Variants in PARD3B observed in about 807,000 individuals in gnomAD.
PARD3B encodes the protein par-3 family cell polarity regulator beta.
Under a neutral mutation model 130.2 loss-of-function variants are expected in PARD3B, and 103 were observed. The observed-to-expected ratio is 0.79, with a 90% CI of 0.67 to 0.93. The LOEUF (loss-of-function observed/expected upper bound fraction) is 0.93, where lower values mean the gene tolerates loss of function less well. PARD3B is among the 40% of genes least tolerant of loss of function. The probability of loss-of-function intolerance (pLI) is 0.00; values close to 1 mark genes in which losing one functional copy is unlikely to be tolerated. For synonymous variants in PARD3B, 583 were observed against 553.2 expected, an observed-to-expected ratio of 1.05 and a Z score of -0.76; for missense variants, 1,609 against 1,499.2, an observed-to-expected ratio of 1.07 and a Z score of -1.21.
chr2:205,420,115 A>G (rs1038681886), intron 19 of PARD3B, among the ~76,000 whole-genome samples: 27 of 152,208 alleles, frequency 1.8e-4, no homozygotes, highest in African/African-American at 6.0e-4. Flanking sequence ...GATTAAAAGT[A>G]TCTACTCTCT....
chr2:205,301,777 A>C lies in PARD3B; in HGVS notation c.2630+76A>C, dbSNP rs1264966159. On this transcript the variant is annotated intron_variant, in intron 18 of 22. Coordinates refer to ENST00000406610, the MANE Select transcript of PARD3B (RefSeq NM_001302769.2). This position sits in a 1 kb window ranked among gnomAD's most constrained non-coding sequence, Gnocchi z 5.2. ...TAAAATCACTCCTTTGTCTGTACTCAGAAAAAAGCGCACGCTTTTCCTCGT... is the reference window on the plus strand; with the variant it reads ...TAAAATCACTCCTTTGTCTGTACTCCGAAAAAAGCGCACGCTTTTCCTCGT... 1 of 1,611,900 alleles carries C rather than the reference A, an allele frequency of 6.2e-7. No individual in the cohort carries two copies. Among genetic ancestry groups the C allele is most frequent in the Non-Finnish European group, 8.5e-7 (1 of 1,178,078 alleles).
chr2:205,552,876 T>C (rs987877148), intron 21 of PARD3B, among the ~76,000 whole-genome samples: 4 of 152,168 alleles, frequency 2.6e-5, no homozygotes, highest in African/African-American at 9.7e-5. Flanking sequence ...TGTATCAATA[T>C]GGATTAATTG....
intron 18 of PARD3B, among the ~76,000 whole-genome samples, chr2:205,307,454 CTGT>C (rs1253276659): frequency 2.0e-5 from 3 of 152,132 alleles, no homozygotes; most frequent in Non-Finnish European, 2.9e-5. Context: ...TGTAGTTTCT[CTGT>C]ATGCTCTGTG....
chr2:204,985,260 G>T (rs946755029), intron 3 of PARD3B, among the ~76,000 whole-genome samples: 9 of 151,752 alleles, frequency 5.9e-5, no homozygotes, highest in Non-Finnish European at 8.8e-5. Flanking sequence ...TTAAAGGAAT[G>T]CATTAAAGCC....
intron 1 of PARD3B, among the ~76,000 whole-genome samples, chr2:204,685,239 G>C (rs977373187): frequency 6.6e-6 from 1 of 152,060 alleles, no homozygotes; most frequent in African/African-American, 2.4e-5. Context: ...TCGTTTATTG[G>C]ATACCAAGTG....
chr2:205,434,396 C>T (rs2047438745), intron 19 of PARD3B, among the ~76,000 whole-genome samples: 1 of 152,076 alleles, frequency 6.6e-6, no homozygotes, highest in Non-Finnish European at 1.5e-5. Flanking sequence ...ATTAATCTGT[C>T]AACCAAATAT....
chr2:205,318,627 A>G (rs755592702), intron 18 of PARD3B, among the ~76,000 whole-genome samples: 7 of 152,204 alleles, frequency 4.6e-5, no homozygotes, highest in Non-Finnish European at 1.0e-4. Context: ...ACTAAAGGGT[A>G]ATCCCTTTAG....
At chr2:205,120,794 T>C (rs528431600) in intron 7 of PARD3B, among the ~76,000 whole-genome samples, 4 of 152,328 alleles carry the variant, frequency 2.6e-5, no homozygotes, top group Non-Finnish European at 5.9e-5. Flanking sequence ...TTTGTCTCTC[T>C]ACTGAACCAG....
At chr2:205,135,120 A>G (rs1031076945) in intron 10 of PARD3B, among the ~76,000 whole-genome samples, 3 of 152,194 alleles carry the variant, frequency 2.0e-5, no homozygotes, top group Admixed American at 1.3e-4. Context: ...CTGAATTTAT[A>G]TATTTGAACA....
intron 21 of PARD3B, among the ~76,000 whole-genome samples, chr2:205,542,841 G>A (rs2052218340): frequency 1.3e-5 from 2 of 152,076 alleles, no homozygotes; most frequent in African/African-American, 4.8e-5. Context: ...ACTATTTATA[G>A]TTTATTTTTT....
intron 10 of PARD3B, among the ~76,000 whole-genome samples, chr2:205,140,442 A>G (rs539388896): frequency 9.5e-5 from 13 of 137,420 alleles, no homozygotes; most frequent in Admixed American, 3.1e-4. Flanking sequence ...ATTAATTACC[A>G]TAGTCCAGAG....
At chr2:205,569,809 GC>G (rs1004201697) in intron 22 of PARD3B, among the ~76,000 whole-genome samples, 2 of 152,162 alleles carry the variant, frequency 1.3e-5, no homozygotes, top group Non-Finnish European at 2.9e-5. Flanking sequence ...ATCCAATTGG[GC>G]TTTTTTCTCA....
At chr2:205,273,327 T>C (rs571297572) in intron 16 of PARD3B, among the ~76,000 whole-genome samples, 19 of 152,354 alleles carry the variant, frequency 1.2e-4, no homozygotes, top group South Asian at 1.2e-3. Context: ...CTTCTTTGCA[T>C]TGTCACCCAG....
In PARD3B at chr2:205,096,352, T is replaced by G. The variant is rs1323745153; in HGVS notation, c.505-8074T>G. On this transcript the variant is annotated intron_variant, in intron 4 of 22. Transcript: ENST00000406610. ...TATTAGAATCTGTGTCTCTTTTGTG[T>G]TAGACCAGAATTCAGTTACTGTATC... Among the ~76,000 whole-genome samples the G allele has an allele frequency of 2.0e-5, 3 of 152,182 alleles. No individual in the cohort carries two copies. In the East Asian group the frequency reaches 5.8e-4, roughly 29 times the overall value.
rs1346535501 is a variant in PARD3B at position 205,619,220 on chromosome 2, C to T, written c.*3407C>T. 6.6e-6 allele frequency: 1 copy of T among 152,178 alleles called. No individual in the cohort carries two copies. Among genetic ancestry groups the T allele is most frequent in the Non-Finnish European group, 1.5e-5 (1 of 68,028 alleles). The allele number at this position is 152,178 out of a possible 1,614,324, so 9.4% of individuals were successfully genotyped here. A position where few individuals can be genotyped will look rare whatever the true frequency, so the allele number is the denominator to read the frequency against. On this transcript the variant is annotated 3_prime_UTR_variant, in exon 23 of 23. Transcript: ENST00000406610. The stretch of plus-strand genomic sequence containing the variant: ...TAACAATGTTAGGAGGCTCATAAAG[C>T]TCATTTCTCTTTTCCCTGGTATGCA...
intron 5 of PARD3B, among the ~76,000 whole-genome samples, chr2:205,112,974 C>G (rs556086111): frequency 6.6e-6 from 1 of 152,216 alleles, no homozygotes; most frequent in South Asian, 2.1e-4. Flanking sequence ...TTGAACATGC[C>G]CATATGTATT....
intron 4 of PARD3B, among the ~76,000 whole-genome samples, chr2:205,092,242 G>A: frequency 6.6e-6 from 1 of 152,094 alleles, no homozygotes; most frequent in East Asian, 1.9e-4. Flanking sequence ...CTCAGGTGTG[G>A]ACAATGAAAA....
intron 1 of PARD3B, among the ~76,000 whole-genome samples, chr2:204,637,797 T>C (rs533124064): frequency 6.6e-6 from 1 of 152,138 alleles, no homozygotes; most frequent in South Asian, 2.1e-4. Flanking sequence ...TTTTAGCGTG[T>C]CCTTTTAGCT....
rs997863529 is a variant in PARD3B, at chr2:205,146,768, C to A, written c.1435-11954C>A. 9.9e-5 allele frequency among the ~76,000 whole-genome samples: 15 copies of A among 151,818 alleles called. No homozygotes were observed. The highest frequency in any genetic ancestry group is 3.1e-4 in the African/African-American group (13 of 41,340). ...TTTAAGATGGAGTCTCACTCTGTTG[C>A]CCAGGGTGGAATGCAGTGGAGCGAT... On this transcript the variant is annotated intron_variant, in intron 10 of 22. Coordinates refer to ENST00000406610, the MANE Select transcript of PARD3B (RefSeq NM_001302769.2). This position sits in a 1 kb window ranked among gnomAD's most constrained non-coding sequence, Gnocchi z 4.3.
Sources: allele counts gnomAD v4.1 joint callset (sites outside exome capture counted in the v4.1 genomes callset), GRCh38; gene constraint gnomAD v4.1.1; non-coding constraint Gnocchi (gnomAD v3.1); transcripts MANE v1.5; gene names NCBI Gene and HGNC (gene_info 2026-07-23, HGNC 2026-07-21).